FLT4: variants seen among roughly 807,000 people sequenced by gnomAD.
The protein encoded by FLT4 is fms related receptor tyrosine kinase 4, also known as vascular endothelial growth factor receptor 3.
In FLT4, 30 loss-of-function variants were observed where a neutral mutation model predicts 163.2. The observed-to-expected ratio is 0.18, with a 90% CI of 0.14 to 0.25. The LOEUF (loss-of-function observed/expected upper bound fraction) is 0.25. Ranked by LOEUF, FLT4 falls within the 10% of genes least tolerant of loss-of-function variation. The pLI is 1.00. For synonymous variants in FLT4, 884 were observed against 789.5 expected, an observed-to-expected ratio of 1.12 and a Z score of -2.01; for missense variants, 1,510 against 1,863.8, an observed-to-expected ratio of 0.81 and a Z score of 3.50.
chr5:180,615,051 T>C (rs969545877), intron 23 of FLT4, among the ~76,000 whole-genome samples: 9 of 152,040 alleles, frequency 5.9e-5, no homozygotes, highest in Admixed American at 6.5e-5. Flanking sequence ...TCAGGCTCCA[T>C]AGGGCAGGCC....
chr5:180,616,238 A>C, intron 23 of FLT4, 129 bp downstream of exon 23: 3 of 1,330,680 alleles, frequency 2.3e-6, no homozygotes, highest in Non-Finnish European at 3.2e-6. Context: ...GCAGCTGGGC[A>C]CATGGCTGGC....
Position 180,636,542 on chromosome 5 carries a change from G to T in FLT4, c.59-4764C>A, listed in dbSNP as rs1305311717. On this transcript the variant is annotated intron_variant, in intron 1 of 29. Transcript: ENST00000261937. This position sits in a 1 kb window ranked among gnomAD's most constrained non-coding sequence, Gnocchi z 4.3. Reference sequence around the variant, plus strand: ...TCATTCTCTGCTGACCGTAGCTCCTGGCTCACCATCCCCCCCACCCCAGCT... The same window carrying T: ...TCATTCTCTGCTGACCGTAGCTCCTTGCTCACCATCCCCCCCACCCCAGCT... Among the ~76,000 whole-genome samples, 1 of 136,996 alleles carries T rather than the reference G, an allele frequency of 7.3e-6. No homozygotes were observed. Among genetic ancestry groups the T allele is most frequent in the African/African-American group, 2.8e-5 (1 of 35,666 alleles). The allele number at this position is 136,996 out of a possible 152,430, so 89.9% of individuals were successfully genotyped here.
chr5:180,631,335 T>C (rs1026788398), intron 2 of FLT4, among the ~76,000 whole-genome samples: 72 of 152,050 alleles, frequency 4.7e-4, no homozygotes, highest in African/African-American at 1.6e-3. Flanking sequence ...TAGCCGGGCG[T>C]GGTGGCGGGC....
At chr5:180,618,701 G>C in intron 21 of FLT4, 69 bp downstream of exon 21, 3 of 1,402,628 alleles carry the variant, frequency 2.1e-6, no homozygotes, top group Non-Finnish European at 2.8e-6. Flanking sequence ...CCCCAGGCTG[G>C]GGTGCCTGAT....
rs1472365443 is a variant in FLT4, at chr5:180,629,301, C to T, written c.943G>A (p.Gly315Ser). The T allele has an allele frequency of 6.2e-7, 1 of 1,613,318 alleles. No individual in the cohort carries two copies. Among genetic ancestry groups the T allele is most frequent in the Admixed American group, 1.7e-5 (1 of 60,028 alleles). Residue 315 changes from glycine to serine, a missense_variant, in exon 7 of 30, where the codon GGC becomes AGC. By Grantham distance (56) the Gly-to-Ser change is moderately conservative (BLOSUM62 0). Coordinates refer to ENST00000261937, the MANE Select transcript of FLT4 (RefSeq NM_182925.5). ...LGSYVCKANN[G>S]IQRFRESTEV... Reference sequence around the variant, plus strand: ...GTGCTCTCCCGAAATCGCTGGATGCCGTTGTTGGCCTTGCACACATACGAG... The same window carrying T: ...GTGCTCTCCCGAAATCGCTGGATGCTGTTGTTGGCCTTGCACACATACGAG...
Position 180,649,558 on chromosome 5 carries a change from C to A in FLT4, c.-13G>T, listed in dbSNP as rs1561769525. ...CGCCCCGCTGCATCTCCGGCCGCTG[C>A]GCGTGGGTCCGACCCGAGCGGCCGC... On this transcript the variant is annotated 5_prime_UTR_variant, in exon 1 of 30. Coordinates refer to ENST00000261937, the MANE Select transcript of FLT4 (RefSeq NM_182925.5). 1 of 1,423,896 alleles carries A rather than the reference C, an allele frequency of 7.0e-7. No homozygotes were observed. The highest frequency in any genetic ancestry group is 9.2e-7 in the Non-Finnish European group (1 of 1,086,492). The allele number at this position is 1,423,896 out of a possible 1,614,324, so 88.2% of individuals were successfully genotyped here.
intron 18 of FLT4, 60 bp from the exon 19 acceptor site, chr5:180,619,426 C>CTGGCCTCTTAGCTAAGGCACAG: frequency 7.2e-7 from 1 of 1,390,146 alleles, no homozygotes; most frequent in Non-Finnish European, 1.0e-6. Context: ...TTCCCCGCCA[C>CTGGCCTCTTAGCTAAGGCACAG]CCGGCGCTTT....
At chr5:180,644,099 G>A (rs1476603341) in intron 1 of FLT4, among the ~76,000 whole-genome samples, 3 of 152,210 alleles carry the variant, frequency 2.0e-5, no homozygotes, top group Admixed American at 6.5e-5. Context: ...TTACAGGCGT[G>A]AGCCACCATG....
rs372232700 is a variant in FLT4 at position 180,619,717 on chromosome 5, G to A, written c.2595C>T (p.Phe865=). The change falls in exon 18 of 30, where the codon TTC becomes TTT. Residue 865 remains phenylalanine (F), a synonymous_variant. Coordinates refer to ENST00000261937, the MANE Select transcript of FLT4 (RefSeq NM_182925.5). ...AFGKVVEASA[F]GIHKGSSCDT... ...CACAGCTGCTGCCCTTGTGGATGCCGAAAGCGGAGGCTTCCACCACCTTCC... is the reference window on the plus strand; with the variant it reads ...CACAGCTGCTGCCCTTGTGGATGCCAAAAGCGGAGGCTTCCACCACCTTCC... 6.8e-5 allele frequency: 109 copies of A among 1,612,552 alleles called. No homozygotes were observed. The highest frequency in any genetic ancestry group is 9.0e-5 in the Non-Finnish European group (106 of 1,179,906).
rs199520663 is a variant in FLT4, at chr5:180,603,388, C to T, written c.3896G>A (p.Cys1299Tyr). The T allele has an allele frequency of 2.2e-5, 36 of 1,613,694 alleles. No individual in the cohort carries two copies. Among genetic ancestry groups the T allele is most frequent in the Non-Finnish European group, 2.8e-5 (33 of 1,179,882 alleles). The change falls in exon 30 of 30, where the codon TGT (cysteine) becomes TAT (tyrosine). Residue 1299 changes from cysteine (C) to tyrosine (Y), a missense_variant and splice_region_variant. This residue lies in a region of FLT4 where 295 missense variants were observed against 311.0 expected (regional missense o/e 0.95). Coordinates refer to ENST00000261937, the MANE Select transcript of FLT4 (RefSeq NM_182925.5). ...AGCCACATTCTGGCCAGGTCCTTTA[C>T]AGCTGCCAAGACAGGGAAGGTGGTG... ...SRHRQESGFSCKGPGQNVAVT... is the reference protein window; with the variant it reads ...SRHRQESGFSYKGPGQNVAVT...
chr5:180,645,269 G>A (rs1012695614), intron 1 of FLT4, among the ~76,000 whole-genome samples: 1 of 152,260 alleles, frequency 6.6e-6, no homozygotes, highest in African/African-American at 2.4e-5. Context: ...GGCTGCCTGA[G>A]TGCCCCGTGG....
At position 180,621,121 on chromosome 5, in the gene FLT4, G is replaced by A. The variant is rs1763108601; in HGVS notation, c.2152C>T (p.Leu718=). Residue 718 remains leucine (L), a synonymous_variant, in exon 14 of 30, where the codon CTG becomes TTG. Transcript: ENST00000261937. The stretch of plus-strand genomic sequence containing the variant: ...CCCTCCCTACCAGACTTTTCCTCCA[G>A]CAGCCTCTCGTCTTTGTACCACACG... ...SIVWYKDERL[L]EEKSGVDLAD... 6.2e-7 allele frequency: 1 copy of A among 1,612,684 alleles called. No homozygotes were observed. Among genetic ancestry groups the A allele is most frequent in the Non-Finnish European group, 8.5e-7 (1 of 1,179,980 alleles).
In FLT4 at chr5:180,630,483, C is replaced by T. The variant is rs2127838140; in HGVS notation, c.400+72G>A. 1.2e-6 allele frequency: 2 copies of T among 1,603,364 alleles called. No homozygotes were observed. Among genetic ancestry groups the T allele is most frequent in the Non-Finnish European group, 1.7e-6 (2 of 1,175,900 alleles). On this transcript the variant is annotated intron_variant, in intron 3 of 29. Coordinates refer to ENST00000261937, the MANE Select transcript of FLT4 (RefSeq NM_182925.5). This position sits in a 1 kb window ranked among gnomAD's most constrained non-coding sequence, Gnocchi z 6.3. ...TCTCTCCTCCTGCCAGCCCAGGGTC[C>T]ACAGGCTGGGGGCGGTGTGGGCCCC...
At position 180,612,550 on chromosome 5, in the gene FLT4, G is replaced by A. The variant is rs2127794231; in HGVS notation, c.3493C>T (p.Leu1165=). The change falls in exon 26 of 30, where the codon CTG becomes TTG. Residue 1165 remains leucine, a synonymous_variant. Transcript: ENST00000261937. ...DPKARPAFSE[L]VEILGDLLQG... ...AGCAGGTCCCCCAGGATCTCCACCA[G>A]CTCCGAGAATGCAGGTCTCGCCTTG... 6.2e-7 allele frequency: 1 copy of A among 1,614,070 alleles called. No individual in the cohort carries two copies. Among genetic ancestry groups the A allele is most frequent in the Non-Finnish European group, 8.5e-7 (1 of 1,179,938 alleles).
In FLT4 at chr5:180,623,922, G is replaced by T; in HGVS notation, c.1548+13C>A. Reference sequence around the variant, plus strand: ...CTTCTCCCTGGGCACTCAGCAGCGCGGCTGGCCTGTACCTTATTCTTTCCC... The same window carrying T: ...CTTCTCCCTGGGCACTCAGCAGCGCTGCTGGCCTGTACCTTATTCTTTCCC... On this transcript the variant is annotated intron_variant, in intron 11 of 29. Transcript: ENST00000261937. This position sits in a 1 kb window ranked among gnomAD's most constrained non-coding sequence, Gnocchi z 5.8. 1 of 1,613,390 alleles carries T rather than the reference G, an allele frequency of 6.2e-7. No individual in the cohort carries two copies. The highest frequency in any genetic ancestry group is 2.2e-5 in the East Asian group (1 of 44,872).
intron 1 of FLT4, among the ~76,000 whole-genome samples, chr5:180,639,783 C>G (rs1026542655): frequency 3.3e-5 from 5 of 152,208 alleles, no homozygotes; most frequent in Non-Finnish European, 7.3e-5. Context: ...GAAGAAGGCG[C>G]ATCCTTCCTG....
Position 180,618,860 on chromosome 5 carries a change from G to T in FLT4, c.2911C>A (p.Arg971=), listed in dbSNP as rs371615826. ...RAMVELARLD[R]RRPGSSDRVL... The stretch of plus-strand genomic sequence containing the variant: ...CTGTCGCTGCTCCCCGGCCGCCTCC[G>T]ATCCAGCCTGGCGAGCTCCACCATG... The change falls in exon 21 of 30, where the codon CGG becomes AGG. Residue 971 remains arginine (R), a synonymous_variant. Coordinates refer to ENST00000261937, the MANE Select transcript of FLT4 (RefSeq NM_182925.5). The T allele has an allele frequency of 1.7e-4, 268 of 1,582,762 alleles. No homozygotes were observed. The highest frequency in any genetic ancestry group is 2.4e-4 in the South Asian group (21 of 86,848).
chr5:180,630,745 G>A lies in FLT4; in HGVS notation c.210C>T (p.Thr70=), dbSNP rs142234456. 1.9e-4 allele frequency: 313 copies of A among 1,609,862 alleles called. 1 individual carries two copies. The highest frequency in any genetic ancestry group is 2.4e-4 in the Non-Finnish European group (280 of 1,179,836). ...AWPGAQEAPA[T]GDKDSEDTGV... ...CCGTGTCCTCGCTGTCCTTGTCTCC[G>A]GTGGCTGGCGCCTCCTGAGCTCCTG... The change falls in exon 3 of 30, where the codon ACC becomes ACT. Residue 70 remains threonine (T), a synonymous_variant. Transcript: ENST00000261937. This position sits in a 1 kb window ranked among gnomAD's most constrained non-coding sequence, Gnocchi z 6.3.
chr5:180,644,344 G>A (rs1439351142), intron 1 of FLT4, among the ~76,000 whole-genome samples: 1 of 152,226 alleles, frequency 6.6e-6, no homozygotes, highest in African/African-American at 2.4e-5. Flanking sequence ...GGCGTGTGGT[G>A]GACCTGGGGG....
Sources: allele counts gnomAD v4.1 joint callset (sites outside exome capture counted in the v4.1 genomes callset), GRCh38; gene constraint gnomAD v4.1.1; regional missense constraint gnomAD v4.1.1; non-coding constraint Gnocchi (gnomAD v3.1); transcripts MANE v1.5; gene names NCBI Gene and HGNC (gene_info 2026-07-23, HGNC 2026-07-21).